The following TMEM260 variants were observed in gnomAD, a reference collection of about 807,000 sequenced individuals.
TMEM260 encodes the protein transmembrane protein 260, also known as protein O-mannosyl-transferase TMEM260.
In TMEM260, 82 loss-of-function variants were observed where a neutral mutation model predicts 88.9. The observed-to-expected ratio is 0.92, with a 90% CI of 0.77 to 1.11. The LOEUF is 1.11. Among genes scored for constraint, TMEM260 ranks in the 50% least tolerant of loss-of-function variants. The pLI is 0.00. For synonymous variants in TMEM260, 314 were observed against 309.3 expected (o/e 1.02, Z -0.16); for missense variants, 902 against 853.4 (o/e 1.06, Z -0.71).
chr14:56,655,198 T>G (rs1890279192), downstream of TMEM260, among the ~76,000 whole-genome samples: 1 of 152,044 alleles, frequency 6.6e-6, no homozygotes, highest in Non-Finnish European at 1.5e-5. Context: ...GAGACCAGCC[T>G]GGCCAAGGTG....
downstream of TMEM260, chr14:56,650,184 A>T (rs1474604118): frequency 9.2e-6 from 4 of 433,270 alleles, no homozygotes; most frequent in Admixed American, 2.6e-5. Context: ...GCGTTCTAGC[A>T]GTGTCCCGGG....
chr14:56,640,892 T>C (rs1268862736), intron 15 of TMEM260, among the ~76,000 whole-genome samples: 1 of 152,050 alleles, frequency 6.6e-6, no homozygotes, highest in African/African-American at 2.4e-5. Flanking sequence ...GAAGAAAGGG[T>C]ATCAGCGATG....
downstream of TMEM260, chr14:56,650,175 C>T (rs1890176701): frequency 1.1e-5 from 5 of 442,250 alleles, no homozygotes; most frequent in East Asian, 7.0e-5. Context: ...ATTTGGCCAG[C>T]GTTCTAGCAG....
intron 1 of TMEM260, 25 bp from the exon 2 acceptor site, chr14:56,584,976 T>C (rs751962170): frequency 3.6e-5 from 58 of 1,605,570 alleles, no homozygotes; most frequent in Non-Finnish European, 4.3e-5. Context: ...ATAGTAATTA[T>C]TGGTTTTACA....
At chr14:56,623,259 A>C (rs1232989487) in intron 11 of TMEM260, among the ~76,000 whole-genome samples, 2 of 152,234 alleles carry the variant, frequency 1.3e-5, no homozygotes, top group Non-Finnish European at 2.9e-5. Context: ...GATTGATAAT[A>C]TGAGCAGTTC....
intron 8 of TMEM260, 82 bp downstream of exon 8, chr14:56,616,109 T>C: frequency 1.0e-6 from 1 of 998,308 alleles, no homozygotes; most frequent in Non-Finnish European, 1.6e-6. Context: ...CTGTAGGACA[T>C]TGCCAGTATT....
At chr14:56,614,895 T>C (rs763828643) in intron 7 of TMEM260, among the ~76,000 whole-genome samples, 1 of 152,242 alleles carries the variant, frequency 6.6e-6, no homozygotes, top group Non-Finnish European at 1.5e-5. Context: ...GCTAATCATC[T>C]ACCCTTTTCC....
chr14:56,634,774 G>A, intron 13 of TMEM260, 125 bp from the exon 14 acceptor site: 2 of 754,286 alleles, frequency 2.7e-6, no homozygotes, highest in East Asian at 2.6e-5. Context: ...CCCAGGAGGT[G>A]GAGGTTGCAG....
downstream of TMEM260, among the ~76,000 whole-genome samples, chr14:56,655,509 C>T (rs965423290): frequency 1.3e-5 from 2 of 152,072 alleles, no homozygotes; most frequent in South Asian, 2.1e-4. Flanking sequence ...GCACTTTGCG[C>T]GTTTGATAAA....
intron 1 of TMEM260, among the ~76,000 whole-genome samples, chr14:56,584,792 T>C (rs1885380814): frequency 6.6e-6 from 1 of 152,178 alleles, no homozygotes; most frequent in African/African-American, 2.4e-5. Context: ...CACTGACCAC[T>C]TCTTAAAGAC....
chr14:56,605,570 G>T lies in TMEM260; in HGVS notation c.523G>T (p.Val175Leu). The stretch of plus-strand genomic sequence containing the variant: ...ATTTTTTTTTTTAATTTATTTTCAG[G>T]TAGCTAAAATTGGTGCTTTCTGCTG... The part of the protein sequence containing the change: ...EAATAKERSK[V>L]AKIGAFCCGL... Residue 175 changes from valine (V) to leucine (L), a missense_variant and splice_region_variant, in exon 5 of 16, where the codon GTA becomes TTA. Coordinates refer to ENST00000261556, the MANE Select transcript of TMEM260 (RefSeq NM_017799.4). The T allele has an allele frequency of 5.4e-6, 8 of 1,469,688 alleles. No individual in the cohort carries two copies. Among genetic ancestry groups the T allele is most frequent in the Admixed American group, 2.3e-5 (1 of 44,144 alleles). The allele number at this position is 1,469,688 out of a possible 1,614,324, so 91.0% of individuals were successfully genotyped here.
intron 3 of TMEM260, among the ~76,000 whole-genome samples, chr14:56,601,022 T>C (rs991006683): frequency 6.6e-6 from 1 of 152,162 alleles, no homozygotes; most frequent in Admixed American, 6.6e-5. Context: ...AAATTCAGAT[T>C]ATAGACCTTG....
intron 3 of TMEM260, among the ~76,000 whole-genome samples, chr14:56,603,508 G>A (rs979486775): frequency 1.3e-5 from 2 of 152,142 alleles, no homozygotes; most frequent in Non-Finnish European, 2.9e-5. Context: ...ACACAGGTTT[G>A]TTCTCTCTGT....
At chr14:56,645,486 A>C (rs1204817515) in intron 15 of TMEM260, among the ~76,000 whole-genome samples, 1 of 137,558 alleles carries the variant, frequency 7.3e-6, no homozygotes, top group Non-Finnish European at 1.6e-5. Flanking sequence ...CACTCGGGGG[A>C]CTGTTGTGGG....
chr14:56,636,990 G>C (rs1889141844), intron 15 of TMEM260, among the ~76,000 whole-genome samples: 3 of 152,172 alleles, frequency 2.0e-5, no homozygotes, highest in Admixed American at 6.5e-5. Flanking sequence ...GTCAGAGTCA[G>C]AGAAGTATAC....
rs536193173 is a variant in TMEM260, at chr14:56,607,813, A to G, written c.637-1293A>G. ...AGGCCCAGACATCAGTATTTTTAAG[A>G]AGCTCCCCAGGTGATTTTAATGTGC... is the stretch of plus-strand genomic sequence containing the variant. On this transcript the variant is annotated intron_variant, in intron 5 of 15. Coordinates refer to ENST00000261556, the MANE Select transcript of TMEM260 (RefSeq NM_017799.4). Among the ~76,000 whole-genome samples the G allele has an allele frequency of 5.1e-4, 78 of 152,192 alleles. No homozygotes were observed. In the Middle Eastern group the frequency reaches 0.024, roughly 46 times the overall value.
intron 13 of TMEM260, chr14:56,633,444 T>C (rs1198106462): frequency 7.4e-6 from 2 of 269,026 alleles, no homozygotes; most frequent in Non-Finnish European, 1.4e-5. Context: ...TTCCAAGTCT[T>C]TGAATGCTGC....
At chr14:56,584,880 A>G (rs909759762) in intron 1 of TMEM260, 121 bp from the exon 2 acceptor site, 1 of 737,634 alleles carries the variant, frequency 1.4e-6, no homozygotes, top group African/African-American at 1.8e-5. Flanking sequence ...ATCTCTACAG[A>G]TTTACAGTTT....
chr14:56,624,130 A>T (rs180878686), intron 11 of TMEM260, among the ~76,000 whole-genome samples: 10 of 152,354 alleles, frequency 6.6e-5, no homozygotes, highest in Admixed American at 2.0e-4. Context: ...TGAGGCCTAG[A>T]TTATTACATG....
Sources: allele counts gnomAD v4.1 joint callset (sites outside exome capture counted in the v4.1 genomes callset), GRCh38; gene constraint gnomAD v4.1.1; transcripts MANE v1.5; gene names NCBI Gene and HGNC (gene_info 2026-07-23, HGNC 2026-07-21).